Variants in BAZ1A observed in about 807,000 individuals in gnomAD.
The protein encoded by BAZ1A is bromodomain adjacent to zinc finger domain protein 1A.
Under a neutral mutation model 185.2 loss-of-function variants are expected in BAZ1A, and 50 were observed. That is an observed-to-expected ratio of 0.27 (90% CI 0.22 to 0.34). The LOEUF (loss-of-function observed/expected upper bound fraction) is 0.34. Among genes scored for constraint, BAZ1A ranks in the 10% least tolerant of loss-of-function variants. The probability of loss-of-function intolerance (pLI) is 1.00; values close to 1 mark genes in which losing one functional copy is unlikely to be tolerated. For synonymous variants in BAZ1A, 571 were observed against 615.6 expected (o/e 0.93, Z 1.07); for missense variants, 1,356 against 1,839.9 (o/e 0.74, Z 4.81).
At chr14:34,768,863 C>A in intron 21 of BAZ1A, 2 of 269,132 alleles carry the variant, frequency 7.4e-6, no homozygotes, top group Non-Finnish European at 1.5e-5. Flanking sequence ...TTAAAAATAA[C>A]AGAATTATCA....
intron 4 of BAZ1A, among the ~76,000 whole-genome samples, chr14:34,815,033 C>T (rs1031341830): frequency 2.0e-5 from 3 of 152,140 alleles, no homozygotes; most frequent in Non-Finnish European, 1.5e-5. Context: ...CCTTGGCCTC[C>T]CAAAGTGCTG....
intron 24 of BAZ1A, among the ~76,000 whole-genome samples, chr14:34,760,092 T>G (rs1886457624): frequency 6.6e-6 from 1 of 152,226 alleles, no homozygotes; most frequent in Non-Finnish European, 1.5e-5. Flanking sequence ...AAGGGTAGTA[T>G]AGTCCATATA....
At chr14:34,856,893 AAC>A (rs1784888041) in intron 3 of BAZ1A, among the ~76,000 whole-genome samples, 1 of 151,658 alleles carries the variant, frequency 6.6e-6, no homozygotes, top group Non-Finnish European at 1.5e-5. Flanking sequence ...ACTTATGAGT[AAC>A]ACAAAGATGT....
intron 20 of BAZ1A, 82 bp downstream of exon 20, chr14:34,773,489 AT>A: frequency 8.4e-7 from 1 of 1,196,332 alleles, no homozygotes; most frequent in South Asian, 1.6e-5. Flanking sequence ...AAAGCAACAT[AT>A]TTACTTAAAA....
intron 25 of BAZ1A, among the ~76,000 whole-genome samples, chr14:34,758,413 C>T (rs890387519): frequency 6.6e-6 from 1 of 151,924 alleles, no homozygotes; most frequent in Admixed American, 6.6e-5. Context: ...AACCCCGTCT[C>T]TACTAAAAAT....
chr14:34,857,070 A>C (rs976921922), intron 3 of BAZ1A, among the ~76,000 whole-genome samples: 2 of 145,682 alleles, frequency 1.4e-5, no homozygotes, highest in Non-Finnish European at 3.0e-5. Context: ...GCAGTGGCGC[A>C]ATCTCGGCTC....
chr14:34,808,063 T>C (rs191583649), intron 5 of BAZ1A, among the ~76,000 whole-genome samples: 49 of 151,570 alleles, frequency 3.2e-4, no homozygotes, highest in Non-Finnish European at 5.2e-4. Context: ...ACCAGTGCAC[T>C]CCAGCCTGGG....
At chr14:34,773,548 T>A in intron 20 of BAZ1A, 24 bp downstream of exon 20, 1 of 1,546,240 alleles carries the variant, frequency 6.5e-7, no homozygotes. Context: ...AAGTAATGGT[T>A]ACTTTAGAAA....
intron 23 of BAZ1A, among the ~76,000 whole-genome samples, chr14:34,763,421 T>TAA (rs1162162277): frequency 1.5e-5 from 2 of 134,076 alleles, no homozygotes; most frequent in African/African-American, 5.4e-5. Flanking sequence ...TTCAAATGTT[T>TAA]AAAAAAAAAA....
intron 3 of BAZ1A, 54 bp downstream of exon 3, chr14:34,861,989 AT>A: frequency 1.3e-6 from 2 of 1,564,474 alleles, no homozygotes. Flanking sequence ...TGTGTTTTGG[AT>A]TTTGAGCAAT....
chr14:34,776,189 C>T lies in BAZ1A; in HGVS notation c.2563G>A (p.Val855Ile). 5 of 1,613,808 alleles carry T rather than the reference C, an allele frequency of 3.1e-6. No homozygotes were observed. Among genetic ancestry groups the T allele is most frequent in the Middle Eastern group, 1.7e-4 (1 of 6,060 alleles). Reference protein sequence around the residue: ...QNNVQSQDPQVSTKTGEPLMS... With the variant: ...QNNVQSQDPQISTKTGEPLMS... ...AAAGGCTCTCCAGTTTTAGTGGATACCTGAGGATCTTGAGACTGTACATTA... is the reference window on the plus strand; with the variant it reads ...AAAGGCTCTCCAGTTTTAGTGGATATCTGAGGATCTTGAGACTGTACATTA... Residue 855 changes from valine (V) to isoleucine (I), a missense_variant, in exon 18 of 27, where the codon GTA becomes ATA. By Grantham distance (29) the Val-to-Ile change is conservative. Transcript: ENST00000360310.
intron 3 of BAZ1A, among the ~76,000 whole-genome samples, chr14:34,844,994 T>C (rs1471699401): frequency 3.9e-5 from 6 of 152,130 alleles, no homozygotes; most frequent in African/African-American, 1.2e-4. Flanking sequence ...CATTTATCTA[T>C]TATATATGAC....
intron 16 of BAZ1A, among the ~76,000 whole-genome samples, chr14:34,782,820 A>T (rs551459075): frequency 7.7e-4 from 118 of 152,304 alleles, no homozygotes; most frequent in African/African-American, 2.7e-3. Context: ...AAATTACTTA[A>T]GGTGCTGTCA....
chr14:34,757,719 G>A (rs1886320569), intron 25 of BAZ1A, among the ~76,000 whole-genome samples: 2 of 150,790 alleles, frequency 1.3e-5, no homozygotes, highest in South Asian at 4.2e-4. Flanking sequence ...AGAAGGGACT[G>A]AGCTGTCTAA....
chr14:34,874,376 G>A lies in BAZ1A; in HGVS notation c.113+116C>T, dbSNP rs1028450932. On this transcript the variant is annotated intron_variant, in intron 2 of 26. Coordinates refer to ENST00000360310, the MANE Select transcript of BAZ1A (RefSeq NM_013448.3). The surrounding 1 kb of genome is among the most constrained non-coding windows in gnomAD (Gnocchi z 4.7). Reference sequence around the variant, plus strand: ...AGAACCGCGGGCCCGGGGGCCACCCGTCACTTTCAAGTCGCCCCGCCAGAA... The same window carrying A: ...AGAACCGCGGGCCCGGGGGCCACCCATCACTTTCAAGTCGCCCCGCCAGAA... The A allele has an allele frequency of 4.0e-4, 408 of 1,026,974 alleles. No homozygotes were observed. Among genetic ancestry groups the A allele is most frequent in the Non-Finnish European group, 5.6e-4 (382 of 683,020 alleles). 63.6% of individuals were successfully genotyped at this position (1,026,974 alleles called of 1,614,324 possible).
In BAZ1A at chr14:34,832,215, C is replaced by CACACATATATATATATATAT; in HGVS notation, c.393-6060_393-6059insATATATATATATATATGTGT. ...ATACACACACACACACACACACACACATATATATATATATATGTATGTATG... is the reference window on the plus strand; with the variant it reads ...ATACACACACACACACACACACACACACACATATATATATATATATATATATATATATATATGTATGTATG... On this transcript the variant is annotated intron_variant, in intron 3 of 26. Transcript: ENST00000360310. Among the ~76,000 whole-genome samples, 182 of 89,648 alleles carry CACACATATATATATATATAT rather than the reference C, an allele frequency of 2.0e-3. 2 individuals carry two copies. Among genetic ancestry groups the CACACATATATATATATATAT allele is most frequent in the African/African-American group, 5.9e-3 (158 of 26,750 alleles). The allele number at this position is 89,648 out of a possible 152,430, so 58.8% of individuals were successfully genotyped here.
At chr14:34,850,101 C>T (rs763909288) in intron 3 of BAZ1A, among the ~76,000 whole-genome samples, 9 of 152,106 alleles carry the variant, frequency 5.9e-5, no homozygotes, top group South Asian at 4.2e-4. Flanking sequence ...AAGGTCAGGC[C>T]GGGCATAGTG....
chr14:34,779,104 C>A (rs1027059267), intron 17 of BAZ1A, among the ~76,000 whole-genome samples: 3 of 152,096 alleles, frequency 2.0e-5, no homozygotes, highest in African/African-American at 4.8e-5. Context: ...CCTACCTTGG[C>A]CTCTCAGAGT....
chr14:34,783,057 G>C, intron 16 of BAZ1A, 62 bp downstream of exon 16: 1 of 1,242,980 alleles, frequency 8.0e-7, no homozygotes, highest in Non-Finnish European at 1.2e-6. Flanking sequence ...TAGAGTTTAA[G>C]GTGTCTGGTT....
Sources: gnomAD v4.1 joint callset for allele counts (sites outside exome capture counted in the v4.1 genomes callset) on GRCh38, gnomAD v4.1.1 for gene constraint, Gnocchi (gnomAD v3.1) non-coding constraint, MANE v1.5 for transcripts, NCBI Gene and HGNC (gene_info 2026-07-23, HGNC 2026-07-21) for gene names.